The following ATXN7L1 variants were observed in gnomAD, a reference collection of about 807,000 sequenced individuals.
The protein encoded by ATXN7L1 is ataxin 7 like 1.
In ATXN7L1, 15 loss-of-function variants were observed where a neutral mutation model predicts 70.8. The observed-to-expected ratio is 0.21, with a 90% CI of 0.14 to 0.33. The LOEUF is 0.33. Ranked by LOEUF, ATXN7L1 falls within the 10% of genes least tolerant of loss-of-function variation. The probability of loss-of-function intolerance (pLI) is 1.00; values close to 1 mark genes in which losing one functional copy is unlikely to be tolerated. For synonymous variants in ATXN7L1, 440 were observed against 445.1 expected (o/e 0.99, Z 0.14); for missense variants, 975 against 1,097.1 (o/e 0.89, Z 1.57).
Position 105,797,536 on chromosome 7 carries a change from G to C in ATXN7L1, c.251-8828C>G, listed in dbSNP as rs17152142. Among the ~76,000 whole-genome samples, 369 of 152,368 alleles carry C rather than the reference G, an allele frequency of 2.4e-3. 13 individuals are homozygous for C. In the East Asian group the frequency reaches 0.046, roughly 19 times the overall value. On this transcript the variant is annotated intron_variant, in intron 2 of 11. Coordinates refer to ENST00000419735, the MANE Select transcript of ATXN7L1 (RefSeq NM_020725.2). Reference sequence around the variant, plus strand: ...ACTATTAGAGATGGGCCTTAAAAATGCAGTGCCTGCTTGCTGAGCCCTGGA... The same window carrying C: ...ACTATTAGAGATGGGCCTTAAAAATCCAGTGCCTGCTTGCTGAGCCCTGGA...
At chr7:105,853,123 T>C (rs553232220) in intron 2 of ATXN7L1, among the ~76,000 whole-genome samples, 48 of 152,216 alleles carry the variant, frequency 3.2e-4, no homozygotes, top group Non-Finnish European at 6.2e-4. Flanking sequence ...TTTGGGATGA[T>C]AGAAAAGTTC....
intron 3 of ATXN7L1, among the ~76,000 whole-genome samples, chr7:105,671,859 C>T (rs139716743): frequency 4.9e-4 from 65 of 133,312 alleles, no homozygotes; most frequent in African/African-American, 1.8e-3. Context: ...CACTGCACTC[C>T]AGCCTGAATG....
intron 7 of ATXN7L1, among the ~76,000 whole-genome samples, chr7:105,626,869 T>C (rs1474349776): frequency 6.6e-6 from 1 of 152,218 alleles, no homozygotes; most frequent in Non-Finnish European, 1.5e-5. Context: ...CACATGCAAA[T>C]GCATTTTAAA....
At chr7:105,772,945 C>T (rs968211453) in intron 3 of ATXN7L1, among the ~76,000 whole-genome samples, 1 of 152,136 alleles carries the variant, frequency 6.6e-6, no homozygotes, top group Non-Finnish European at 1.5e-5. Context: ...GCTAGCTAGT[C>T]ACAAAGGAAG....
At chr7:105,815,102 G>A (rs1390755821) in intron 2 of ATXN7L1, among the ~76,000 whole-genome samples, 1 of 152,154 alleles carries the variant, frequency 6.6e-6, no homozygotes, top group East Asian at 1.9e-4. Context: ...GAAAAGATGT[G>A]AAATCACTCT....
rs867381541 is a variant in ATXN7L1, at chr7:105,605,630, A to G, written c.*2222T>C. The G allele has an allele frequency of 3.9e-5, 6 of 152,316 alleles. No individual in the cohort carries two copies. Among genetic ancestry groups the G allele is most frequent in the Middle Eastern group, 3.4e-3 (1 of 294 alleles). The allele number at this position is 152,316 out of a possible 1,614,324, so 9.4% of individuals were successfully genotyped here. ...CAACCTTTGTTTTCCCTCTTTGACT[A>G]TAAGAGTTTATAAATCAGAGGGTTA... On this transcript the variant is annotated 3_prime_UTR_variant, in exon 12 of 12. Coordinates refer to ENST00000419735, the MANE Select transcript of ATXN7L1 (RefSeq NM_020725.2).
chr7:105,806,366 G>A (rs562703587), intron 2 of ATXN7L1, among the ~76,000 whole-genome samples: 199 of 152,174 alleles, frequency 1.3e-3, no homozygotes, highest in Non-Finnish European at 2.2e-3. Flanking sequence ...CTCACCATGC[G>A]GGCACCCTGA....
chr7:105,797,949 T>C (rs1806240701), intron 2 of ATXN7L1, among the ~76,000 whole-genome samples: 1 of 152,248 alleles, frequency 6.6e-6, no homozygotes, highest in East Asian at 1.9e-4. Flanking sequence ...AATGGTAATA[T>C]GTTAACTAGG....
chr7:105,765,810 G>A (rs1801173066), intron 3 of ATXN7L1, among the ~76,000 whole-genome samples: 1 of 152,182 alleles, frequency 6.6e-6, no homozygotes, highest in African/African-American at 2.4e-5. Context: ...ATGCTCAACA[G>A]ATCCTGCTTG....
At chr7:105,794,467 G>A (rs990196944) in intron 2 of ATXN7L1, among the ~76,000 whole-genome samples, 5 of 152,172 alleles carry the variant, frequency 3.3e-5, no homozygotes, top group African/African-American at 9.7e-5. Flanking sequence ...ACTTCTTCCC[G>A]CAGAGAGCTG....
intron 4 of ATXN7L1, among the ~76,000 whole-genome samples, chr7:105,643,440 T>C (rs550435447): frequency 2.0e-5 from 3 of 152,314 alleles, no homozygotes; most frequent in Non-Finnish European, 2.9e-5. Context: ...ACACAGCACC[T>C]TGGGCAGAAC....
chr7:105,628,864 T>C (rs895963910), intron 7 of ATXN7L1, among the ~76,000 whole-genome samples: 3 of 151,606 alleles, frequency 2.0e-5, no homozygotes, highest in South Asian at 2.1e-4. Context: ...AGGTATACAA[T>C]GTGATTTGGT....
chr7:105,653,455 C>A (rs1355049115), intron 4 of ATXN7L1, among the ~76,000 whole-genome samples: 1 of 152,088 alleles, frequency 6.6e-6, no homozygotes, highest in African/African-American at 2.4e-5. Flanking sequence ...CTCAAACAAA[C>A]AAAAACAACA....
At chr7:105,689,833 A>G (rs1790525176) in intron 3 of ATXN7L1, among the ~76,000 whole-genome samples, 2 of 152,168 alleles carry the variant, frequency 1.3e-5, no homozygotes, top group South Asian at 2.1e-4. Flanking sequence ...GCTCCCCTGT[A>G]TGAGCCAGGC....
intron 9 of ATXN7L1, 79 bp downstream of exon 9, chr7:105,620,121 G>A: frequency 6.7e-7 from 1 of 1,498,088 alleles, no homozygotes; most frequent in South Asian, 1.2e-5. Context: ...GTCAGCCACT[G>A]ACATTTATTT....
At chr7:105,689,755 G>C (rs1360108596) in intron 3 of ATXN7L1, among the ~76,000 whole-genome samples, 2 of 152,204 alleles carry the variant, frequency 1.3e-5, no homozygotes, top group Non-Finnish European at 2.9e-5. Context: ...AGTTAGCCCA[G>C]AGCAAATGGG....
At chr7:105,824,723 C>T (rs2116572970) in intron 2 of ATXN7L1, among the ~76,000 whole-genome samples, 1 of 151,924 alleles carries the variant, frequency 6.6e-6, no homozygotes, top group South Asian at 2.1e-4. Flanking sequence ...AAACAAACCA[C>T]CACCAGTAAA....
chr7:105,668,929 T>G (rs958731197), intron 3 of ATXN7L1, among the ~76,000 whole-genome samples: 1 of 151,970 alleles, frequency 6.6e-6, no homozygotes, highest in Non-Finnish European at 1.5e-5. Context: ...ATTTTTTTTT[T>G]GCAGAGACAA....
chr7:105,740,787 T>TTTTTTTTTTTTTTTTTTTTTTTTAG (rs1797930812), intron 3 of ATXN7L1, among the ~76,000 whole-genome samples: 1 of 79,280 alleles, frequency 1.3e-5, no homozygotes, highest in Non-Finnish European at 2.4e-5. Flanking sequence ...TTTTTTTTAA[T>TTTTTTTTTTTTTTTTTTTTTTTTAG]GGAGTCTCAC....
Sources: allele counts gnomAD v4.1 joint callset (sites outside exome capture counted in the v4.1 genomes callset), GRCh38; gene constraint gnomAD v4.1.1; transcripts MANE v1.5; gene names NCBI Gene and HGNC (gene_info 2026-07-23, HGNC 2026-07-21).